The following SCAPER variants were observed in gnomAD, a reference collection of about 807,000 sequenced individuals.
The protein encoded by SCAPER is S phase cyclin A-associated protein in the endoplasmic reticulum.
Under a neutral mutation model 182.2 loss-of-function variants are expected in SCAPER, and 98 were observed. The ratio of observed to expected loss-of-function variants is 0.54; its 90% CI spans 0.46 to 0.64. The LOEUF (loss-of-function observed/expected upper bound fraction) is 0.64, where lower values mean the gene tolerates loss of function less well. Ranked by LOEUF, SCAPER falls within the 30% of genes least tolerant of loss-of-function variation. SCAPER has a pLI of 0.00. For synonymous variants in SCAPER, 605 were observed against 564.6 expected (o/e 1.07, Z -1.01); for missense variants, 1,432 against 1,690.0 (o/e 0.85, Z 2.68).
chr15:76,579,589 C>T (rs954900130), intron 22 of SCAPER, among the ~76,000 whole-genome samples: 1 of 150,862 alleles, frequency 6.6e-6, no homozygotes, highest in Non-Finnish European at 1.5e-5. Flanking sequence ...AGAAAAATCA[C>T]CTTCACTATG....
At chr15:76,357,150 T>TCACACA (rs55912416) in intron 29 of SCAPER, among the ~76,000 whole-genome samples, 15,705 of 128,750 alleles carry the variant, frequency 0.12, 968 homozygotes, top group South Asian at 0.14. Flanking sequence ...TTTATTGACA[T>TCACACA]CACACACACA....
chr15:76,638,975 G>T (rs966912212), intron 21 of SCAPER, among the ~76,000 whole-genome samples: 31 of 152,162 alleles, frequency 2.0e-4, no homozygotes, highest in Admixed American at 1.8e-3. Flanking sequence ...AAGGTTACAT[G>T]ACATAGATGG....
chr15:76,581,184 A>G (rs1018703395), intron 22 of SCAPER, among the ~76,000 whole-genome samples: 5 of 152,104 alleles, frequency 3.3e-5, no homozygotes, highest in Admixed American at 2.6e-4. Flanking sequence ...ACAACAAAAA[A>G]AAGTCCAGGA....
chr15:76,619,006 AG>A (rs1438893903), intron 22 of SCAPER, among the ~76,000 whole-genome samples: 2 of 152,128 alleles, frequency 1.3e-5, no homozygotes, highest in Non-Finnish European at 2.9e-5. Context: ...CACTATGCCC[AG>A]CTAGTTTTTG....
intron 1 of SCAPER, among the ~76,000 whole-genome samples, chr15:76,893,554 T>TTC (rs1030838584): frequency 6.6e-6 from 1 of 151,864 alleles, no homozygotes; most frequent in Non-Finnish European, 1.5e-5. Flanking sequence ...ACTTGAACAG[T>TTC]TCTATAGGCC....
intron 21 of SCAPER, among the ~76,000 whole-genome samples, chr15:76,652,371 C>CACACACACACATATAT (rs764864981): frequency 1.2e-4 from 1 of 8,062 alleles, no homozygotes; most frequent in Non-Finnish European, 2.1e-4. Flanking sequence ...CACACACACA[C>CACACACACACATATAT]ATATATATAT....
At chr15:76,688,250 T>C (rs953947631) in intron 20 of SCAPER, among the ~76,000 whole-genome samples, 1 of 152,228 alleles carries the variant, frequency 6.6e-6, no homozygotes, top group Non-Finnish European at 1.5e-5. Flanking sequence ...TTGAGAAGTG[T>C]CTGTTCATAT....
chr15:76,652,121 A>G (rs1489611697), intron 21 of SCAPER, among the ~76,000 whole-genome samples: 2 of 149,710 alleles, frequency 1.3e-5, no homozygotes, highest in South Asian at 2.1e-4. Flanking sequence ...AAGAAACATA[A>G]CTAAAAATAA....
At chr15:76,410,123 A>G (rs1199398166) in intron 26 of SCAPER, among the ~76,000 whole-genome samples, 2 of 152,138 alleles carry the variant, frequency 1.3e-5, no homozygotes, top group Non-Finnish European at 2.9e-5. Context: ...TTCTTAAAGT[A>G]CTAGTTTATG....
intron 5 of SCAPER, among the ~76,000 whole-genome samples, chr15:76,807,479 T>C (rs1361073844): frequency 2.0e-5 from 3 of 152,170 alleles, no homozygotes; most frequent in Admixed American, 6.5e-5. Context: ...TTTATGTCTG[T>C]ATTTGTAAAA....
chr15:76,806,862 T>G (rs1031473168), intron 5 of SCAPER, among the ~76,000 whole-genome samples: 8 of 152,198 alleles, frequency 5.3e-5, no homozygotes, highest in African/African-American at 1.9e-4. Context: ...TTTTGGATTG[T>G]TTACTCCTAG....
rs553083669 is a variant in SCAPER, at chr15:76,462,977, C to T, written c.3078+8235G>A. 1.6e-4 allele frequency among the ~76,000 whole-genome samples: 24 copies of T among 152,246 alleles called. No individual in the cohort carries two copies. The South Asian group carries it at 4.4e-3, about 28-fold the overall frequency. On this transcript the variant is annotated intron_variant, in intron 25 of 31. Coordinates refer to ENST00000563290, the MANE Select transcript of SCAPER (RefSeq NM_020843.4). ...ATCCAACCCCACATATCTCCCATCC[C>T]TCTCCTCTTTTGAAGTCCATTATCC...
At chr15:76,559,417 C>A (rs1440584988) in intron 23 of SCAPER, among the ~76,000 whole-genome samples, 1 of 151,880 alleles carries the variant, frequency 6.6e-6, no homozygotes, top group Non-Finnish European at 1.5e-5. Flanking sequence ...CTTCCTGTCG[C>A]CTTGTAAATA....
intron 15 of SCAPER, among the ~76,000 whole-genome samples, 193 bp downstream of exon 15, chr15:76,753,612 AAAT>A (rs2062229300): frequency 6.6e-6 from 1 of 151,994 alleles, no homozygotes; most frequent in Non-Finnish European, 1.5e-5. Flanking sequence ...AGGGTTGTAA[AAAT>A]AATAATAGAT....
chr15:76,670,760 G>A (rs1394449232), intron 20 of SCAPER, among the ~76,000 whole-genome samples: 4 of 152,132 alleles, frequency 2.6e-5, no homozygotes, highest in Non-Finnish European at 5.9e-5. Flanking sequence ...TGTGACTTAG[G>A]ATGTTTCTTC....
At chr15:76,679,563 A>G (rs1444299653) in intron 20 of SCAPER, among the ~76,000 whole-genome samples, 1 of 152,244 alleles carries the variant, frequency 6.6e-6, no homozygotes, top group Non-Finnish European at 1.5e-5. Context: ...CCACAGATGT[A>G]GGATATACTT....
At chr15:76,627,314 C>T (rs1214812134) in intron 21 of SCAPER, among the ~76,000 whole-genome samples, 3 of 151,912 alleles carry the variant, frequency 2.0e-5, no homozygotes, top group Non-Finnish European at 2.9e-5. Flanking sequence ...TAAGTGTCAC[C>T]TGTGTATTTG....
At chr15:76,612,485 T>A (rs2051092687) in intron 22 of SCAPER, among the ~76,000 whole-genome samples, 1 of 152,166 alleles carries the variant, frequency 6.6e-6, no homozygotes, top group African/African-American at 2.4e-5. Flanking sequence ...ATCCGCCTGT[T>A]GTGTCCTACC....
At chr15:76,382,544 G>A (rs2043019328) in intron 27 of SCAPER, among the ~76,000 whole-genome samples, 1 of 151,972 alleles carries the variant, frequency 6.6e-6, no homozygotes, top group Non-Finnish European at 1.5e-5. Context: ...CCAAGAGCAG[G>A]CAGTTATAGT....
Sources: gnomAD v4.1 joint callset for allele counts (sites outside exome capture counted in the v4.1 genomes callset) on GRCh38, gnomAD v4.1.1 for gene constraint, MANE v1.5 for transcripts, NCBI Gene and HGNC (gene_info 2026-07-23, HGNC 2026-07-21) for gene names.